The following TBC1D8 variants were observed in gnomAD, a reference collection of about 807,000 sequenced individuals.
The protein encoded by TBC1D8 is BUB2-like protein 1.
In TBC1D8, 65 loss-of-function variants were observed where a neutral mutation model predicts 118.8. That is an observed-to-expected ratio of 0.55 (90% CI 0.45 to 0.67). The LOEUF is 0.67. Among genes scored for constraint, TBC1D8 ranks in the 30% least tolerant of loss-of-function variants. The probability of loss-of-function intolerance (pLI) is 0.00; values close to 1 mark genes in which losing one functional copy is unlikely to be tolerated. For synonymous variants in TBC1D8, 566 were observed against 595.8 expected, an observed-to-expected ratio of 0.95 and a Z score of 0.73; for missense variants, 1,376 against 1,471.2, an observed-to-expected ratio of 0.94 and a Z score of 1.06.
chr2:101,110,773 C>A (rs1163934943), intron 1 of TBC1D8, among the ~76,000 whole-genome samples: 3 of 152,030 alleles, frequency 2.0e-5, no homozygotes, highest in African/African-American at 7.3e-5. Context: ...AAATTCAAGA[C>A]CAGCCTGGCC....
chr2:101,090,194 T>C lies in TBC1D8; in HGVS notation c.283+15A>G, dbSNP rs1007280501. On this transcript the variant is annotated intron_variant, in intron 2 of 19. Transcript: ENST00000409318. ...ACCTTAAGGTTTGGAACATTCCAACTGGAACAAAACTCACCAGTGGCTATG... is the reference window on the plus strand; with the variant it reads ...ACCTTAAGGTTTGGAACATTCCAACCGGAACAAAACTCACCAGTGGCTATG... The C allele has an allele frequency of 1.9e-6, 3 of 1,607,966 alleles. No homozygotes were observed. Among genetic ancestry groups the C allele is most frequent in the Non-Finnish European group, 2.5e-6 (3 of 1,176,926 alleles).
intron 1 of TBC1D8, among the ~76,000 whole-genome samples, chr2:101,091,725 CA>C (rs545434375): frequency 1.3e-5 from 2 of 149,370 alleles, no homozygotes; most frequent in Non-Finnish European, 3.0e-5. Context: ...ACCTCAGTTT[CA>C]AAAAAAAAGG....
chr2:101,074,844 C>CT (rs1480547494), intron 2 of TBC1D8, among the ~76,000 whole-genome samples: 1 of 152,136 alleles, frequency 6.6e-6, no homozygotes, highest in African/African-American at 2.4e-5. Flanking sequence ...ATCACACACA[C>CT]TTTTTAGGTT....
intron 2 of TBC1D8, among the ~76,000 whole-genome samples, chr2:101,079,292 C>T (rs545775487): frequency 1.2e-4 from 19 of 152,310 alleles, no homozygotes; most frequent in East Asian, 3.9e-4. Context: ...TCCTGCTCTA[C>T]GCAGAAGTTA....
intron 17 of TBC1D8, among the ~76,000 whole-genome samples, chr2:101,015,940 T>C (rs1679601658): frequency 6.6e-6 from 1 of 151,864 alleles, no homozygotes. Context: ...GATTAAAGAC[T>C]TAAACGTTAG....
intron 1 of TBC1D8, among the ~76,000 whole-genome samples, chr2:101,122,410 A>AAAAAAAAAAAAC (rs1678167571): frequency 1.4e-5 from 2 of 140,528 alleles, no homozygotes; most frequent in Non-Finnish European, 3.1e-5. Context: ...AAAAAAAAAA[A>AAAAAAAAAAAAC]AGCATGGATA....
At chr2:101,080,769 C>T (rs976902061) in intron 2 of TBC1D8, among the ~76,000 whole-genome samples, 3 of 151,490 alleles carry the variant, frequency 2.0e-5, no homozygotes, top group Non-Finnish European at 4.4e-5. Context: ...CTGGAAAGCC[C>T]AACTCTTGTA....
intron 8 of TBC1D8, 149 bp from the exon 9 acceptor site, chr2:101,036,317 A>G: frequency 1.1e-6 from 1 of 873,298 alleles, no homozygotes; most frequent in South Asian, 1.6e-5. Context: ...CAAGCCGCAA[A>G]TATTTCTGAA....
intron 2 of TBC1D8, among the ~76,000 whole-genome samples, chr2:101,084,949 C>T (rs905600919): frequency 4.6e-5 from 7 of 150,872 alleles, no homozygotes; most frequent in African/African-American, 1.2e-4. Context: ...CCTGGGTTCA[C>T]GCCATTCTCC....
chr2:101,092,679 G>A (rs990202106), intron 1 of TBC1D8, among the ~76,000 whole-genome samples: 9 of 152,008 alleles, frequency 5.9e-5, no homozygotes, highest in Admixed American at 2.0e-4. Flanking sequence ...TGTCCTCATC[G>A]TTCTTCATAT....
At chr2:101,039,999 G>C (rs1681277923) in intron 6 of TBC1D8, among the ~76,000 whole-genome samples, 179 bp downstream of exon 6, 1 of 152,106 alleles carries the variant, frequency 6.6e-6, no homozygotes, top group African/African-American at 2.4e-5. Flanking sequence ...TGGCCGAATG[G>C]GTAATGGTCC....
intron 1 of TBC1D8, among the ~76,000 whole-genome samples, chr2:101,115,870 GACCTGGATCTGTTACGCACAC>G (rs1474724486): frequency 6.6e-6 from 1 of 152,132 alleles, no homozygotes; most frequent in Non-Finnish European, 1.5e-5. Context: ...GACATCCCAT[GACCTGGATCTGTTACGCACAC>G]GCCAGCAAGG....
At chr2:101,025,685 C>T (rs1366512952) in intron 15 of TBC1D8, among the ~76,000 whole-genome samples, 2 of 152,136 alleles carry the variant, frequency 1.3e-5, no homozygotes, top group African/African-American at 4.8e-5. Context: ...CAAAATAACA[C>T]TGAAGAGACC....
chr2:101,054,672 C>CTTTTTTTTTTTT lies in TBC1D8; in HGVS notation c.403-348_403-337dup, dbSNP rs34465252. On this transcript the variant is annotated intron_variant, in intron 3 of 19. Transcript: ENST00000409318. ...ACAAACAATCATTTTCTTTTCTTTT[C>CTTTTTTTTTTTT]TTTTTTTTTTTTTTTTTTTTTTTTT... is the stretch of plus-strand genomic sequence containing the variant. 7.1e-4 allele frequency among the ~76,000 whole-genome samples: 18 copies of CTTTTTTTTTTTT among 25,436 alleles called. 1 individual carries two copies. The highest frequency in any genetic ancestry group is 8.3e-4 in the Non-Finnish European group (14 of 16,908). 16.7% of individuals were successfully genotyped at this position (25,436 alleles called of 152,430 possible). A position where few individuals can be genotyped will look rare whatever the true frequency, so the allele number is the denominator to read the frequency against.
In TBC1D8 at chr2:101,027,410, G is replaced by GT. The variant is rs1322516016; in HGVS notation, c.2492dup (p.Asp831GlufsTer37). 6.2e-7 allele frequency: 1 copy of GT among 1,613,250 alleles called. No individual in the cohort carries two copies. Among genetic ancestry groups the GT allele is most frequent in the East Asian group, 2.2e-5 (1 of 44,854 alleles). On this transcript the variant is annotated frameshift_variant, in exon 15 of 20. Coordinates refer to ENST00000409318, the MANE Select transcript of TBC1D8 (RefSeq NM_001330348.2). LOFTEE classifies it high-confidence loss of function. ...TGAATAAGTCGTAGAGCTCCTCTAG[G>GT]TCTTCAGGAAGAATTGAGACTTCCG...
intron 1 of TBC1D8, among the ~76,000 whole-genome samples, chr2:101,144,895 G>A (rs1253880040): frequency 2.0e-5 from 3 of 152,082 alleles, no homozygotes; most frequent in Admixed American, 1.3e-4. Context: ...CCAAGATCAC[G>A]CCACTGCACT....
rs765665289 is a variant in TBC1D8, at chr2:101,040,337, C to T, written c.921G>A (p.Arg307=). 6 of 1,613,026 alleles carry T rather than the reference C, an allele frequency of 3.7e-6. No homozygotes were observed. In the African/African-American group the frequency reaches 8.0e-5, roughly 22 times the overall value. ...CGTGCAGCTTCTCCTTCCTCGGCAA[C>T]CTGAAGAAAGCCCGGAAGAACTCAT... ...AQNEFFRAFF[R]LPRKEKLHAV... is the part of the protein sequence containing the mutation. The change falls in exon 6 of 20, where the codon AGG becomes AGA. Residue 307 remains arginine, a synonymous_variant. Coordinates refer to ENST00000409318, the MANE Select transcript of TBC1D8 (RefSeq NM_001330348.2).
chr2:101,054,586 C>T (rs1300523819), intron 3 of TBC1D8, among the ~76,000 whole-genome samples: 2 of 151,304 alleles, frequency 1.3e-5, no homozygotes, highest in Non-Finnish European at 2.9e-5. Flanking sequence ...GTCTCTCACT[C>T]GGCCACTTAC....
chr2:101,019,068 T>G, intron 17 of TBC1D8: 1 of 1,601,742 alleles, frequency 6.2e-7, no homozygotes, highest in Non-Finnish European at 8.5e-7. Context: ...GGATGAGGCC[T>G]TGGGTCTCGG....
Sources: gnomAD v4.1 joint callset for allele counts (sites outside exome capture counted in the v4.1 genomes callset) on GRCh38, gnomAD v4.1.1 for gene constraint, MANE v1.5 for transcripts, NCBI Gene and HGNC (gene_info 2026-07-23, HGNC 2026-07-21) for gene names.